FBRSL1: variants seen among roughly 807,000 people sequenced by gnomAD.
FBRSL1 encodes the protein fibrosin like 1.
In FBRSL1, 51 loss-of-function variants were observed where a neutral mutation model predicts 89.6. The observed-to-expected ratio is 0.57, with a 90% CI of 0.45 to 0.72. The LOEUF (loss-of-function observed/expected upper bound fraction) is 0.72. Among genes scored for constraint, FBRSL1 ranks in the 30% least tolerant of loss-of-function variants. The pLI is 0.00. For synonymous variants in FBRSL1, 779 were observed against 681.1 expected (o/e 1.14, Z -2.24); for missense variants, 1,618 against 1,451.8 (o/e 1.11, Z -1.86).
intron 1 of FBRSL1, among the ~76,000 whole-genome samples, chr12:132,500,440 C>T (rs1313304137): frequency 6.6e-6 from 1 of 152,162 alleles, no homozygotes; most frequent in Non-Finnish European, 1.5e-5. Flanking sequence ...GGGGCTGCCC[C>T]TCTCTGGCCT....
chr12:132,505,987 T>C (rs2033639879), intron 1 of FBRSL1, among the ~76,000 whole-genome samples: 1 of 152,208 alleles, frequency 6.6e-6, no homozygotes, highest in South Asian at 2.1e-4. Context: ...TGGGGGTGTG[T>C]GGGCACAGGG....
intron 12 of FBRSL1, 30 bp downstream of exon 12, chr12:132,574,188 C>G: frequency 7.0e-7 from 1 of 1,428,986 alleles, no homozygotes; most frequent in Non-Finnish European, 9.1e-7. Flanking sequence ...CGTCCCCACC[C>G]CGGGGGATGG....
intron 2 of FBRSL1, among the ~76,000 whole-genome samples, chr12:132,525,154 A>T (rs1259979866): frequency 1.3e-5 from 2 of 152,196 alleles, no homozygotes; most frequent in African/African-American, 4.8e-5. Flanking sequence ...CAGTGGCCCA[A>T]GGGCCCATGG....
chr12:132,561,832 G>A (rs1323345653), intron 5 of FBRSL1, among the ~76,000 whole-genome samples: 1 of 152,242 alleles, frequency 6.6e-6, no homozygotes, highest in African/African-American at 2.4e-5. Flanking sequence ...TCTGTGGCAG[G>A]CCTGGGTGTT....
chr12:132,503,226 T>A (rs977649201), intron 1 of FBRSL1, among the ~76,000 whole-genome samples: 3 of 151,884 alleles, frequency 2.0e-5, no homozygotes, highest in Non-Finnish European at 4.4e-5. Flanking sequence ...GCCACCATGC[T>A]TTTGGTGGTC....
chr12:132,539,121 A>G (rs1158774705), intron 4 of FBRSL1, among the ~76,000 whole-genome samples: 1 of 151,950 alleles, frequency 6.6e-6, no homozygotes, highest in Non-Finnish European at 1.5e-5. Context: ...TGTGAGCCGC[A>G]TCCCCACACA....
chr12:132,573,082 G>A (rs1354825901), intron 11 of FBRSL1, among the ~76,000 whole-genome samples: 1 of 152,226 alleles, frequency 6.6e-6, no homozygotes, highest in Non-Finnish European at 1.5e-5. Flanking sequence ...GGTAGCAGGA[G>A]GTTGTGTGCC....
At chr12:132,512,427 G>A (rs867142050) in intron 2 of FBRSL1, among the ~76,000 whole-genome samples, 1 of 152,266 alleles carries the variant, frequency 6.6e-6, no homozygotes, top group African/African-American at 2.4e-5. Context: ...CCTGGCTGCA[G>A]CGCCCTGGCT....
At position 132,583,034 on chromosome 12, in the gene FBRSL1, C is replaced by A. The variant is rs1390505109; in HGVS notation, c.2265C>A (p.Pro755=). ...CGCCCGCCACCCCCGCTGGCCACCC[C>A]GTCAGCGGCCTCCTGCTCCGGGCCC... is the stretch of plus-strand genomic sequence containing the variant. ...RASPATPAGH[P]VSGLLLRAQS... is the part of the protein sequence containing the mutation. Residue 755 remains proline (P), a synonymous_variant, in exon 19 of 19, where the codon CCC becomes CCA. Transcript: ENST00000680143. 5 of 1,455,750 alleles carry A rather than the reference C, an allele frequency of 3.4e-6. No homozygotes were observed. The highest frequency in any genetic ancestry group is 5.2e-5 in the Admixed American group (2 of 38,722). 90.2% of individuals were successfully genotyped at this position (1,455,750 alleles called of 1,614,324 possible).
rs1311456278 is a variant in FBRSL1, at chr12:132,576,819, C to T, written c.1722C>T (p.His574=). Residue 574 remains histidine (H), a synonymous_variant, in exon 15 of 19, where the codon CAC becomes CAT. Transcript: ENST00000680143. The stretch of plus-strand genomic sequence containing the variant: ...CCCAGGAGATGCAGCTGGACCCCCA[C>T]AAGCTGGAGGTGGGTGCAAAGCTGG... ...QKIKEMQLDP[H]KLEVGAKLDL... 9 of 1,550,788 alleles carry T rather than the reference C, an allele frequency of 5.8e-6. No individual in the cohort carries two copies. In the Middle Eastern group the frequency reaches 5.0e-4, roughly 86 times the overall value.
At chr12:132,560,456 C>A (rs1280583299) in intron 5 of FBRSL1, among the ~76,000 whole-genome samples, 1 of 151,942 alleles carries the variant, frequency 6.6e-6, no homozygotes, top group Non-Finnish European at 1.5e-5. Context: ...CGGGTCAGGG[C>A]ACCCGGGGTC....
chr12:132,576,262 G>A (rs987175539), intron 14 of FBRSL1, among the ~76,000 whole-genome samples: 4 of 150,162 alleles, frequency 2.7e-5, no homozygotes, highest in Non-Finnish European at 4.4e-5. Flanking sequence ...GCATGATCTC[G>A]GCTCACTGTA....
At chr12:132,520,116 C>T (rs1164061410) in intron 2 of FBRSL1, among the ~76,000 whole-genome samples, 1 of 150,716 alleles carries the variant, frequency 6.6e-6, no homozygotes, top group Non-Finnish European at 1.5e-5. Context: ...TTGCACACCT[C>T]CAGCACCCCC....
In FBRSL1 at chr12:132,570,220, C is replaced by T; in HGVS notation, c.986C>T (p.Ala329Val). Residue 329 changes from alanine to valine, a missense_variant, in exon 7 of 19, where the codon GCC becomes GTC. Transcript: ENST00000680143. ...TTCGCGGGCCACAGCCAGGCGGCAG[C>T]CAACGGCCTGCACGGCCTCAGGTGG... The part of the protein sequence containing the change: ...GAFAGHSQAA[A>V]NGLHGLSRSS... 6.7e-7 allele frequency: 1 copy of T among 1,500,500 alleles called. No homozygotes were observed. The highest frequency in any genetic ancestry group is 8.8e-7 in the Non-Finnish European group (1 of 1,133,496). The allele number at this position is 1,500,500 out of a possible 1,614,324, so 92.9% of individuals were successfully genotyped here.
intron 4 of FBRSL1, among the ~76,000 whole-genome samples, chr12:132,542,851 A>G (rs2037379872): frequency 6.6e-6 from 1 of 152,254 alleles, no homozygotes; most frequent in African/African-American, 2.4e-5. Flanking sequence ...CACCGAAGCC[A>G]TAATTAACAC....
Position 132,576,918 on chromosome 12 carries a change from C to T in FBRSL1, c.1821C>T (p.Leu607=), listed in dbSNP as rs762063409. 1 of 1,550,376 alleles carries T rather than the reference C, an allele frequency of 6.5e-7. No homozygotes were observed. Among genetic ancestry groups the T allele is most frequent in the East Asian group, 2.4e-5 (1 of 40,914 alleles). ...FHYPQDLARP[L]FPSTGAAHPA... ...ACCCACAGGACCTGGCCCGGCCCCTCTTCCCCAGCACAGGTGAGACTGGAG... is the reference window on the plus strand; with the variant it reads ...ACCCACAGGACCTGGCCCGGCCCCTTTTCCCCAGCACAGGTGAGACTGGAG... The change falls in exon 15 of 19, where the codon CTC becomes CTT. Residue 607 remains leucine, a synonymous_variant. Transcript: ENST00000680143.
Position 132,570,076 on chromosome 12 carries a change from C to T in FBRSL1, c.842C>T (p.Ser281Phe), listed in dbSNP as rs1390563204. The change falls in exon 7 of 19, where the codon TCC (serine) becomes TTC (phenylalanine). Residue 281 changes from serine (S) to phenylalanine (F), a missense_variant. By Grantham distance (155) the Ser-to-Phe change is radical. Coordinates refer to ENST00000680143, the MANE Select transcript of FBRSL1 (RefSeq NM_001367871.1). ...CCCTGCCCGGGGCCCCCGCCCGGCT[C>T]CCGCGCCAATCCCTTGGTGAAGAAG... ...AAPCPGPPPG[S>F]RANPLVKKEP... 7.4e-6 allele frequency: 11 copies of T among 1,490,836 alleles called. No homozygotes were observed. Among genetic ancestry groups the T allele is most frequent in the African/African-American group, 1.5e-5 (1 of 68,422 alleles). 92.4% of individuals were successfully genotyped at this position (1,490,836 alleles called of 1,614,324 possible). A position where few individuals can be genotyped will look rare whatever the true frequency, so the allele number is the denominator to read the frequency against.
At chr12:132,534,610 A>G (rs1016781471) in intron 4 of FBRSL1, among the ~76,000 whole-genome samples, 1 of 152,246 alleles carries the variant, frequency 6.6e-6, no homozygotes, top group Non-Finnish European at 1.5e-5. Context: ...TTTGTGGGTC[A>G]GAATTGAGCA....
chr12:132,555,330 G>A lies in FBRSL1; in HGVS notation c.645+7298G>A, dbSNP rs566147962. 4.0e-4 allele frequency among the ~76,000 whole-genome samples: 60 copies of A among 151,670 alleles called. 1 individual carries two copies. Among genetic ancestry groups the A allele is most frequent in the African/African-American group, 1.4e-3 (56 of 41,060 alleles). On this transcript the variant is annotated intron_variant, in intron 5 of 18. Transcript: ENST00000680143. ...GTGTCCCGTGGCCTCCACGGTAGCC[G>A]CCCCACCCGAGCGTGAGCGTGGCCT...
Sources: gnomAD v4.1 joint callset for allele counts (sites outside exome capture counted in the v4.1 genomes callset) on GRCh38, gnomAD v4.1.1 for gene constraint, MANE v1.5 for transcripts, NCBI Gene and HGNC (gene_info 2026-07-23, HGNC 2026-07-21) for gene names.